THSD7B: variants seen among roughly 807,000 people sequenced by gnomAD.
THSD7B encodes the protein thrombospondin type-1 domain-containing protein 7B.
A neutral mutation model predicts 213.6 loss-of-function variants in THSD7B; 138 were observed. The observed-to-expected ratio is 0.65, with a 90% CI of 0.56 to 0.74. The LOEUF (loss-of-function observed/expected upper bound fraction) is 0.74, where lower values mean the gene tolerates loss of function less well. Ranked by LOEUF, THSD7B falls within the 30% of genes least tolerant of loss-of-function variation. The pLI is 0.00. For missense variants in THSD7B, 1,931 were observed against 1,991.5 expected, an observed-to-expected ratio of 0.97 and a Z score of 0.58; for synonymous variants, 742 against 687.0, an observed-to-expected ratio of 1.08 and a Z score of -1.25.
In THSD7B at chr2:137,003,211, A is replaced by C. The variant is rs538587713; in HGVS notation, c.140-53209A>C. Reference sequence around the variant, plus strand: ...GCCACACATGGCTTTTAAAAAATGTATGACATATAAAACTCAGAGGCATAT... The same window carrying C: ...GCCACACATGGCTTTTAAAAAATGTCTGACATATAAAACTCAGAGGCATAT... On this transcript the variant is annotated intron_variant, in intron 2 of 27. Transcript: ENST00000409968. 8.5e-5 allele frequency among the ~76,000 whole-genome samples: 13 copies of C among 152,320 alleles called. No individual in the cohort carries two copies. In the East Asian group the frequency reaches 2.5e-3, roughly 29 times the overall value.
chr2:137,367,039 AC>A (rs1238367308), intron 12 of THSD7B, among the ~76,000 whole-genome samples: 1 of 151,916 alleles, frequency 6.6e-6, no homozygotes, highest in African/African-American at 2.4e-5. Context: ...GACTTCATTC[AC>A]CTGGGTAGAT....
intron 5 of THSD7B, among the ~76,000 whole-genome samples, chr2:137,126,650 A>G (rs955280725): frequency 1.3e-5 from 2 of 152,172 alleles, no homozygotes; most frequent in African/African-American, 4.8e-5. Context: ...TACTGCAATA[A>G]CACTTTTAAT....
chr2:137,502,818 G>T (rs1679740968), intron 15 of THSD7B, among the ~76,000 whole-genome samples: 1 of 152,090 alleles, frequency 6.6e-6, no homozygotes, highest in African/African-American at 2.4e-5. Flanking sequence ...ATGGTTTATA[G>T]TTTATAATGT....
chr2:137,127,625 A>G (rs1688653997), intron 5 of THSD7B, among the ~76,000 whole-genome samples: 1 of 152,126 alleles, frequency 6.6e-6, no homozygotes, highest in Admixed American at 6.6e-5. Flanking sequence ...TTATTCTCAT[A>G]GGTATATTAA....
intron 27 of THSD7B, among the ~76,000 whole-genome samples, chr2:137,675,224 C>T (rs1683669819): frequency 1.3e-5 from 2 of 151,952 alleles, no homozygotes; most frequent in South Asian, 4.2e-4. Context: ...TGCCTTTTGG[C>T]ACGATGAAAA....
intron 12 of THSD7B, among the ~76,000 whole-genome samples, chr2:137,350,539 A>T (rs1364560854): frequency 6.6e-6 from 1 of 151,816 alleles, no homozygotes; most frequent in East Asian, 1.9e-4. Flanking sequence ...AGCCACATTC[A>T]TGTATCTAGA....
At chr2:137,016,520 A>G (rs1342350766) in intron 2 of THSD7B, among the ~76,000 whole-genome samples, 2 of 152,192 alleles carry the variant, frequency 1.3e-5, no homozygotes, top group African/African-American at 2.4e-5. Flanking sequence ...GCCACCGCAC[A>G]TGTCTTTCTG....
intron 21 of THSD7B, among the ~76,000 whole-genome samples, chr2:137,651,058 G>A (rs1373698927): frequency 6.6e-6 from 1 of 152,156 alleles, no homozygotes; most frequent in African/African-American, 2.4e-5. Flanking sequence ...GCCCGTTTCT[G>A]GTCTTGGATC....
intron 12 of THSD7B, among the ~76,000 whole-genome samples, chr2:137,350,068 T>G (rs1194097720): frequency 2.6e-5 from 4 of 151,864 alleles, no homozygotes; most frequent in Non-Finnish European, 5.9e-5. Context: ...AAATGTACTA[T>G]TCATTAACCT....
intron 15 of THSD7B, among the ~76,000 whole-genome samples, chr2:137,533,504 T>C (rs371744829): frequency 1.3e-5 from 2 of 151,898 alleles, no homozygotes; most frequent in Non-Finnish European, 2.9e-5. Context: ...GGTAGCAAAA[T>C]AGTTGGAGTA....
chr2:136,929,062 G>C (rs1684588954), intron 2 of THSD7B, among the ~76,000 whole-genome samples: 1 of 152,064 alleles, frequency 6.6e-6, no homozygotes, highest in Non-Finnish European at 1.5e-5. Context: ...CCATCAACAT[G>C]AAAAACGTAA....
intron 2 of THSD7B, among the ~76,000 whole-genome samples, chr2:136,949,768 C>A (rs1685003465): frequency 6.6e-6 from 1 of 152,092 alleles, no homozygotes; most frequent in Non-Finnish European, 1.5e-5. Flanking sequence ...TTTAAAAGTG[C>A]CAGGTGTGGT....
At chr2:137,543,562 G>A (rs6745857) in intron 15 of THSD7B, among the ~76,000 whole-genome samples, 11,076 of 151,812 alleles carry the variant, frequency 0.073, 449 homozygotes, top group African/African-American at 0.089. Flanking sequence ...TTATGATCAT[G>A]GATTAAGCAA....
At chr2:137,123,343 G>A (rs1688576286) in intron 5 of THSD7B, among the ~76,000 whole-genome samples, 1 of 152,106 alleles carries the variant, frequency 6.6e-6, no homozygotes, top group Non-Finnish European at 1.5e-5. Context: ...TCAGGAGGAG[G>A]CCAGGCCACT....
intron 2 of THSD7B, among the ~76,000 whole-genome samples, chr2:136,912,390 C>G (rs566391403): frequency 7.5e-5 from 11 of 145,902 alleles, no homozygotes; most frequent in Non-Finnish European, 1.5e-4. Flanking sequence ...GGTATGTGTG[C>G]GAGACTCCCT....
At chr2:137,276,050 T>C in intron 12 of THSD7B, 24 bp downstream of exon 12, 1 of 1,565,472 alleles carries the variant, frequency 6.4e-7, no homozygotes, top group South Asian at 1.2e-5. Context: ...TACATAGTTT[T>C]TTTTTATTAA....
chr2:137,323,568 G>A (rs1684308051), intron 12 of THSD7B, among the ~76,000 whole-genome samples: 2 of 152,178 alleles, frequency 1.3e-5, no homozygotes, highest in African/African-American at 4.8e-5. Flanking sequence ...GAGAATTGTG[G>A]CTGCACACAG....
chr2:137,375,203 A>G (rs1328875893), intron 12 of THSD7B, among the ~76,000 whole-genome samples: 1 of 152,162 alleles, frequency 6.6e-6, no homozygotes, highest in African/African-American at 2.4e-5. Context: ...AAATAAGTCA[A>G]GTTCCTGACT....
At chr2:137,310,161 G>A (rs539519178) in intron 12 of THSD7B, among the ~76,000 whole-genome samples, 103 of 151,712 alleles carry the variant, frequency 6.8e-4, no homozygotes, top group South Asian at 1.1e-3. Context: ...CATCCTCTCC[G>A]GCACCTGTTT....
Sources: allele counts gnomAD v4.1 joint callset (sites outside exome capture counted in the v4.1 genomes callset), GRCh38; gene constraint gnomAD v4.1.1; transcripts MANE v1.5; gene names NCBI Gene and HGNC (gene_info 2026-07-23, HGNC 2026-07-21).